Variants in CCL28 observed in about 807,000 individuals in gnomAD.
CCL28 encodes C-C motif chemokine 28.
A neutral mutation model predicts 7.1 loss-of-function variants in CCL28; 4 were observed. The ratio of observed to expected loss-of-function variants is 0.56; its 90% confidence interval spans 0.28 to 1.29. The LOEUF (loss-of-function observed/expected upper bound fraction) is 1.29. CCL28 is among the 50% of genes most tolerant of loss of function. The pLI, the probability that CCL28 is intolerant of heterozygous loss-of-function variation, is 0.11. For missense variants in CCL28, 151 were observed against 163.4 expected, an observed-to-expected ratio of 0.92 and a Z score of 0.41; for synonymous variants, 55 against 57.8, an observed-to-expected ratio of 0.95 and a Z score of 0.22.
chr5:43,401,438 C>T (rs1342928629), intron 1 of CCL28, among the ~76,000 whole-genome samples: 1 of 152,166 alleles, frequency 6.6e-6, no homozygotes, highest in Admixed American at 6.5e-5. Flanking sequence ...TAAAAACATC[C>T]TGAGAGGCTT....
chr5:43,362,085 G>A, the CCL28 span, among the ~76,000 whole-genome samples: 1 of 152,048 alleles, frequency 6.6e-6, no homozygotes, highest in East Asian at 1.9e-4. Context: ...ATTGCTTTGG[G>A]CAGTATGACC....
At chr5:43,370,087 A>T in the CCL28 span, among the ~76,000 whole-genome samples, 1 of 152,220 alleles carries the variant, frequency 6.6e-6, no homozygotes, top group African/African-American at 2.4e-5. Context: ...TGGACTTTCC[A>T]GTCCCAACCA....
intron 1 of CCL28, among the ~76,000 whole-genome samples, chr5:43,410,823 C>T (rs1374634053): frequency 6.6e-6 from 1 of 152,124 alleles, no homozygotes; most frequent in Non-Finnish European, 1.5e-5. Context: ...GAAAATGAGT[C>T]CCCAAATCTC....
the CCL28 span, among the ~76,000 whole-genome samples, chr5:43,357,141 A>C: frequency 2.0e-5 from 3 of 152,204 alleles, no homozygotes. Flanking sequence ...GTTGCTACCC[A>C]GAGTGGAGGA....
intron 2 of CCL28, among the ~76,000 whole-genome samples, chr5:43,385,003 T>C (rs1246658625): frequency 6.6e-6 from 1 of 152,080 alleles, no homozygotes; most frequent in Non-Finnish European, 1.5e-5. Context: ...TTCACGCCAT[T>C]CTCCTGCCTC....
At chr5:43,363,792 C>G in the CCL28 span, among the ~76,000 whole-genome samples, 5 of 152,196 alleles carry the variant, frequency 3.3e-5, no homozygotes, top group Admixed American at 6.5e-5. Context: ...CTACATACCT[C>G]TTTTCCAGAA....
chr5:43,387,446 G>A (rs1183836605), intron 2 of CCL28, among the ~76,000 whole-genome samples: 1 of 152,174 alleles, frequency 6.6e-6, no homozygotes, highest in East Asian at 1.9e-4. Context: ...TACAAACAAA[G>A]CTTTTAATAA....
intron 1 of CCL28, among the ~76,000 whole-genome samples, chr5:43,392,000 C>A (rs1007053555): frequency 2.4e-4 from 37 of 152,180 alleles, no homozygotes; most frequent in African/African-American, 8.9e-4. Context: ...AATTTCTCTA[C>A]AGCAGTGGTT....
rs573847958 is a variant in CCL28 at position 43,388,564 on chromosome 5, T to C, written c.65-88A>G. 5.9e-6 allele frequency: 8 copies of C among 1,346,226 alleles called. No individual in the cohort carries two copies. In the East Asian group the frequency reaches 1.5e-4, roughly 25 times the overall value. The allele number at this position is 1,346,226 out of a possible 1,614,324, so 83.4% of individuals were successfully genotyped here. On this transcript the variant is annotated intron_variant, in intron 1 of 2. Coordinates refer to ENST00000361115, the MANE Select transcript of CCL28 (RefSeq NM_148672.3). ...CATTTTAAAGATTTCAGAGAAACAA[T>C]GTTAATCCACACAAACAAGGGGCAA...
At chr5:43,364,432 T>C in the CCL28 span, among the ~76,000 whole-genome samples, 1 of 152,120 alleles carries the variant, frequency 6.6e-6, no homozygotes, top group Admixed American at 6.6e-5. Context: ...TTATACAACA[T>C]ATATATATCA....
At chr5:43,412,208 C>G in intron 1 of CCL28, 45 bp downstream of exon 1, 1 of 1,515,152 alleles carries the variant, frequency 6.6e-7, no homozygotes. Context: ...TTGGGAGATA[C>G]CCCCCTTTCC....
At chr5:43,385,337 T>A (rs976875998) in intron 2 of CCL28, among the ~76,000 whole-genome samples, 3 of 152,210 alleles carry the variant, frequency 2.0e-5, no homozygotes, top group Non-Finnish European at 4.4e-5. Flanking sequence ...GTATAAAACA[T>A]AGGACCTATT....
chr5:43,373,508 C>G (rs550976926), downstream of CCL28, among the ~76,000 whole-genome samples: 3 of 152,006 alleles, frequency 2.0e-5, no homozygotes, highest in South Asian at 6.2e-4. Context: ...CCATGTTAGT[C>G]AGGCTGGTCT....
intron 1 of CCL28, among the ~76,000 whole-genome samples, chr5:43,391,517 T>C (rs1740571720): frequency 6.6e-6 from 1 of 152,240 alleles, no homozygotes; most frequent in Non-Finnish European, 1.5e-5. Context: ...TTAACTACTA[T>C]TCCCCTTTCC....
chr5:43,402,942 A>G (rs1202686428), intron 1 of CCL28, among the ~76,000 whole-genome samples: 1 of 152,220 alleles, frequency 6.6e-6, no homozygotes, highest in Non-Finnish European at 1.5e-5. Context: ...TTGAACAGCA[A>G]GGCGGCAGTG....
At chr5:43,389,018 G>A (rs963428974) in intron 1 of CCL28, among the ~76,000 whole-genome samples, 3 of 152,160 alleles carry the variant, frequency 2.0e-5, no homozygotes, top group East Asian at 1.9e-4. Flanking sequence ...AGCCAGATTC[G>A]AAAGGCCATA....
At chr5:43,390,864 C>A (rs1351992214) in intron 1 of CCL28, among the ~76,000 whole-genome samples, 1 of 152,218 alleles carries the variant, frequency 6.6e-6, no homozygotes, top group Non-Finnish European at 1.5e-5. Flanking sequence ...GGACCCAGAA[C>A]ATCACAATTT....
chr5:43,401,133 T>C (rs1161817098), intron 1 of CCL28, among the ~76,000 whole-genome samples: 1 of 151,376 alleles, frequency 6.6e-6, no homozygotes, highest in Non-Finnish European at 1.5e-5. Context: ...ATGTTCAGAA[T>C]GTGGTTAGAA....
downstream of CCL28, among the ~76,000 whole-genome samples, chr5:43,377,694 A>T (rs1170892460): frequency 6.9e-6 from 1 of 145,356 alleles, no homozygotes; most frequent in East Asian, 2.0e-4. Flanking sequence ...TTGAAATCAC[A>T]GAAGTAACCA....
Sources: allele counts gnomAD v4.1 joint callset (sites outside exome capture counted in the v4.1 genomes callset), GRCh38; gene constraint gnomAD v4.1.1; transcripts MANE v1.5; gene names NCBI Gene and HGNC (gene_info 2026-07-23, HGNC 2026-07-21).